Variants in PTPRM observed in about 807,000 individuals in gnomAD.
PTPRM encodes receptor-type tyrosine-protein phosphatase mu.
PTPRM carries 47 observed loss-of-function variants against 186.7 expected under a neutral mutation model. That is an observed-to-expected ratio of 0.25 (90% CI 0.20 to 0.32). The LOEUF (loss-of-function observed/expected upper bound fraction) is 0.32. Among genes scored for constraint, PTPRM ranks in the 10% least tolerant of loss-of-function variants. The pLI, the probability that PTPRM is intolerant of heterozygous loss-of-function variation, is 1.00. For synonymous variants in PTPRM, 668 were observed against 674.9 expected (o/e 0.99, Z 0.16); for missense variants, 1,494 against 1,865.0 (o/e 0.80, Z 3.66).
chr18:8,270,053 A>T (rs1418695550), intron 19 of PTPRM: 1 of 152,074 alleles, frequency 6.6e-6, no homozygotes, highest in Non-Finnish European at 1.5e-5. Context: ...AAACAAAGAC[A>T]TAAGCAACAA....
chr18:8,156,320 T>C lies in PTPRM; in HGVS notation c.2300+12541T>C, dbSNP rs528827857. ...AATTTTTCATCTTATAGGAGGAAAG[T>C]GTCAGAGAATGATAAGAGTCATGGC... On this transcript the variant is annotated intron_variant, in intron 14 of 32. Transcript: ENST00000580170. 1.5e-4 allele frequency among the ~76,000 whole-genome samples: 23 copies of C among 152,236 alleles called. 1 individual carries two copies. Among genetic ancestry groups the C allele is most frequent in the African/African-American group, 5.5e-4 (23 of 41,544 alleles).
chr18:8,142,371 T>G (rs775490768), intron 13 of PTPRM, among the ~76,000 whole-genome samples: 14 of 152,300 alleles, frequency 9.2e-5, no homozygotes, highest in Non-Finnish European at 1.9e-4. Flanking sequence ...ACTACAGCCA[T>G]GTTCAGAATG....
At chr18:8,230,853 A>T (rs886442406) in intron 14 of PTPRM, among the ~76,000 whole-genome samples, 9 of 152,186 alleles carry the variant, frequency 5.9e-5, no homozygotes, top group African/African-American at 1.7e-4. Context: ...ACAACCTCTT[A>T]TTCATTCTGG....
In PTPRM at chr18:8,372,158, G is replaced by A. The variant is rs371706696; in HGVS notation, c.3171+1152G>A. ...GCAATCTCGGCTCACTGCAAGCTCC[G>A]CTTCCCGGGTTCACGCCATTCTCCT... On this transcript the variant is annotated intron_variant, in intron 24 of 32. Coordinates refer to ENST00000580170, the MANE Select transcript of PTPRM (RefSeq NM_001105244.2). Among the ~76,000 whole-genome samples, 219 of 133,738 alleles carry A rather than the reference G, an allele frequency of 1.6e-3. 7 individuals are homozygous for A. The highest frequency in any genetic ancestry group is 6.1e-3 in the African/African-American group (212 of 35,010). 87.7% of individuals were successfully genotyped at this position (133,738 alleles called of 152,430 possible).
intron 7 of PTPRM, among the ~76,000 whole-genome samples, chr18:8,011,037 A>G (rs2084496553): frequency 6.6e-6 from 1 of 152,200 alleles, no homozygotes; most frequent in Non-Finnish European, 1.5e-5. Flanking sequence ...CTTTCCTGTA[A>G]TTCAGGATAT....
intron 31 of PTPRM, among the ~76,000 whole-genome samples, chr18:8,390,153 G>A (rs2095801996): frequency 1.3e-5 from 2 of 152,206 alleles, no homozygotes; most frequent in South Asian, 4.1e-4. Context: ...AGACAGTCCA[G>A]GGACAGATCC....
At chr18:8,181,331 G>A (rs2093571349) in intron 14 of PTPRM, among the ~76,000 whole-genome samples, 1 of 152,130 alleles carries the variant, frequency 6.6e-6, no homozygotes, top group African/African-American at 2.4e-5. Context: ...CTAAAACCAG[G>A]CCATAGAAAG....
intron 1 of PTPRM, among the ~76,000 whole-genome samples, chr18:7,662,244 T>G (rs2038997332): frequency 6.6e-6 from 1 of 152,204 alleles, no homozygotes; most frequent in Non-Finnish European, 1.5e-5. Context: ...ACCATATATA[T>G]GATCTTGATA....
intron 2 of PTPRM, among the ~76,000 whole-genome samples, chr18:7,790,906 T>A (rs1056238578): frequency 1.3e-5 from 2 of 151,728 alleles, no homozygotes; most frequent in Admixed American, 1.3e-4. Context: ...TGAAAGTTGG[T>A]TTTAAAAAAA....
At chr18:8,191,007 G>C (rs1190529267) in intron 14 of PTPRM, among the ~76,000 whole-genome samples, 1 of 152,194 alleles carries the variant, frequency 6.6e-6, no homozygotes, top group Non-Finnish European at 1.5e-5. Context: ...GCCTGCTAAG[G>C]ACACAGCTGG....
intron 20 of PTPRM, among the ~76,000 whole-genome samples, chr18:8,307,652 A>G (rs572861878): frequency 6.6e-6 from 1 of 152,118 alleles, no homozygotes; most frequent in South Asian, 2.1e-4. Context: ...GAAAATACAG[A>G]AATTAGCTGG....
chr18:7,770,654 A>G (rs2042229856), intron 1 of PTPRM, among the ~76,000 whole-genome samples: 1 of 152,218 alleles, frequency 6.6e-6, no homozygotes, highest in Non-Finnish European at 1.5e-5. Context: ...CCAAGCTAAC[A>G]GTGGAAGAAT....
intron 14 of PTPRM, among the ~76,000 whole-genome samples, chr18:8,201,310 C>G (rs1174767889): frequency 6.6e-6 from 1 of 152,084 alleles, no homozygotes; most frequent in African/African-American, 2.4e-5. Context: ...AGCAAGACTC[C>G]GTCTCCAAAA....
At chr18:8,047,093 T>G (rs1033640014) in intron 7 of PTPRM, among the ~76,000 whole-genome samples, 1 of 152,260 alleles carries the variant, frequency 6.6e-6, no homozygotes, top group Non-Finnish European at 1.5e-5. Flanking sequence ...TTATTTATCA[T>G]ATCTATAACC....
At chr18:8,116,361 A>T (rs2091957209) in intron 13 of PTPRM, among the ~76,000 whole-genome samples, 5 of 152,238 alleles carry the variant, frequency 3.3e-5, no homozygotes, top group Admixed American at 3.3e-4. Flanking sequence ...TTTCTTCATT[A>T]CTATGAAAAG....
intron 5 of PTPRM, among the ~76,000 whole-genome samples, chr18:7,945,761 T>C (rs2052480517): frequency 2.0e-5 from 3 of 152,216 alleles, no homozygotes; most frequent in Admixed American, 2.0e-4. Context: ...TTTAATTTTA[T>C]GCTCTCTTAT....
Position 7,648,310 on chromosome 18 carries a change from C to T in PTPRM, c.73+80419C>T, listed in dbSNP as rs6650628. ...TCTCTGCCTTTCCTTGGGCCTCCCTCTTTCCTGAGACTCAACAATATTAAA... is the reference window on the plus strand; with the variant it reads ...TCTCTGCCTTTCCTTGGGCCTCCCTTTTTCCTGAGACTCAACAATATTAAA... On this transcript the variant is annotated intron_variant, in intron 1 of 32. Coordinates refer to ENST00000580170, the MANE Select transcript of PTPRM (RefSeq NM_001105244.2). Among the ~76,000 whole-genome samples, 9 of 152,048 alleles carry T rather than the reference C, an allele frequency of 5.9e-5. No individual in the cohort carries two copies. The East Asian group carries it at 1.5e-3, about 26-fold the overall frequency.
At chr18:8,213,089 C>T (rs2094029414) in intron 14 of PTPRM, among the ~76,000 whole-genome samples, 1 of 152,216 alleles carries the variant, frequency 6.6e-6, no homozygotes, top group African/African-American at 2.4e-5. Flanking sequence ...GAGCTTGATG[C>T]ACAGCATGAT....
chr18:7,912,713 G>T (rs938210873), intron 4 of PTPRM, among the ~76,000 whole-genome samples: 1 of 151,052 alleles, frequency 6.6e-6, no homozygotes, highest in Non-Finnish European at 1.5e-5. Context: ...TAGAGATGGC[G>T]TTTCACAGTG....
Sources: allele counts gnomAD v4.1 joint callset (sites outside exome capture counted in the v4.1 genomes callset), GRCh38; gene constraint gnomAD v4.1.1; transcripts MANE v1.5; gene names NCBI Gene and HGNC (gene_info 2026-07-23, HGNC 2026-07-21).